The following PRDM13 variants were observed in gnomAD, a reference collection of about 807,000 sequenced individuals.
PRDM13 encodes the protein PR/SET domain 13.
Under a neutral mutation model 36.4 loss-of-function variants are expected in PRDM13, and 15 were observed. That is an observed-to-expected ratio of 0.41 (90% CI 0.28 to 0.64). The LOEUF (loss-of-function observed/expected upper bound fraction) is 0.64, where lower values mean the gene tolerates loss of function less well. Ranked by LOEUF, PRDM13 falls within the 30% of genes least tolerant of loss-of-function variation. The pLI is 0.29. For missense variants in PRDM13, 1,044 were observed against 1,013.5 expected (o/e 1.03, Z -0.41); for synonymous variants, 531 against 467.7 (o/e 1.14, Z -1.75).
rs1257406058 is a variant in PRDM13, at chr6:99,615,160, T to C, written c.*401T>C. ...AAGTTGTACTTTTCTGTGGAGGAAA[T>C]TGTGCCTTTTGAAACGACGTTTTGT... On this transcript the variant is annotated 3_prime_UTR_variant, in exon 4 of 4. Transcript: ENST00000369215. The C allele has an allele frequency of 4.6e-6, 1 of 215,870 alleles. No individual in the cohort carries two copies. Among genetic ancestry groups the C allele is most frequent in the Middle Eastern group, 1.7e-3 (1 of 604 alleles). The allele number at this position is 215,870 out of a possible 1,614,324, so 13.4% of individuals were successfully genotyped here. A position where few individuals can be genotyped will look rare whatever the true frequency, so the allele number is the denominator to read the frequency against.
intron 1 of PRDM13, 86 bp from the exon 2 acceptor site, chr6:99,608,655 T>C: frequency 1.3e-6 from 2 of 1,491,988 alleles, no homozygotes; most frequent in Non-Finnish European, 1.8e-6. Flanking sequence ...CTTTCCTGTG[T>C]TGGGTTGGGG....
intron 1 of PRDM13, 24 bp from the exon 2 acceptor site, chr6:99,608,717 G>T: frequency 2.5e-6 from 4 of 1,591,440 alleles, no homozygotes; most frequent in Non-Finnish European, 3.4e-6. Flanking sequence ...GTGCGGGGGA[G>T]AACGACCACT....
intron 2 of PRDM13, 37 bp from the exon 3 acceptor site, chr6:99,609,150 G>A: frequency 1.2e-6 from 2 of 1,609,316 alleles, no homozygotes; most frequent in Non-Finnish European, 1.7e-6. Flanking sequence ...GATTACCCAG[G>A]AAATGACATT....
At chr6:99,608,393 A>G (rs1769982306) in intron 1 of PRDM13, among the ~76,000 whole-genome samples, 1 of 152,080 alleles carries the variant, frequency 6.6e-6, no homozygotes, top group South Asian at 2.1e-4. Context: ...CCGTGGTGTT[A>G]CGGCTGCTCT....
chr6:99,613,033 G>C lies in PRDM13; in HGVS notation c.398G>C (p.Gly133Ala). 1 of 1,613,498 alleles carries C rather than the reference G, an allele frequency of 6.2e-7. No homozygotes were observed. The highest frequency in any genetic ancestry group is 8.5e-7 in the Non-Finnish European group (1 of 1,179,984). The change falls in exon 4 of 4, where the codon GGG becomes GCG. Residue 133 changes from glycine to alanine, a missense_variant and splice_region_variant. Transcript: ENST00000369215. The surrounding 1 kb of genome is among the most constrained non-coding windows in gnomAD (Gnocchi z 6.1). ...CGCTTTTCCATTCTTTCTTGCCCAG[G>C]GGAGGAGCGCTACATCTGCTGGTAC... is the stretch of plus-strand genomic sequence containing the variant. ...TTATPTHDEK[G>A]EERYICWYCW...
In PRDM13 at chr6:99,614,910, T is replaced by C. The variant is rs1770109096; in HGVS notation, c.*151T>C. Reference sequence around the variant, plus strand: ...GCGCCAGATTTGAAACAGTGAGAGGTCCCACATCTGGTGCTGAAACTCAGA... The same window carrying C: ...GCGCCAGATTTGAAACAGTGAGAGGCCCCACATCTGGTGCTGAAACTCAGA... On this transcript the variant is annotated 3_prime_UTR_variant, in exon 4 of 4. Coordinates refer to ENST00000369215, the MANE Select transcript of PRDM13 (RefSeq NM_021620.4). 2.0e-6 allele frequency: 2 copies of C among 1,009,338 alleles called. No individual in the cohort carries two copies. The highest frequency in any genetic ancestry group is 2.8e-6 in the Non-Finnish European group (2 of 713,796). 62.5% of individuals were successfully genotyped at this position (1,009,338 alleles called of 1,614,324 possible).
At chr6:99,609,139 C>A (rs767842797) in intron 2 of PRDM13, 48 bp from the exon 3 acceptor site, 40 of 1,601,708 alleles carry the variant, frequency 2.5e-5, no homozygotes, top group Non-Finnish European at 3.2e-5. Context: ...GCTTTTTGAC[C>A]GATTACCCAG....
chr6:99,610,385 G>T (rs1360833778), intron 3 of PRDM13, among the ~76,000 whole-genome samples: 1 of 152,078 alleles, frequency 6.6e-6, no homozygotes, highest in African/African-American at 2.4e-5. Context: ...TTTGACAATT[G>T]TCTGTAATTT....
intron 1 of PRDM13, among the ~76,000 whole-genome samples, chr6:99,607,464 C>T (rs997818377): frequency 6.6e-6 from 1 of 152,122 alleles, no homozygotes; most frequent in Non-Finnish European, 1.5e-5. Context: ...TTTTCCCCTG[C>T]GCTCTCGGGT....
chr6:99,613,832 G>C lies in PRDM13; in HGVS notation c.1197G>C (p.Ala399=). The C allele has an allele frequency of 2.0e-6, 3 of 1,510,932 alleles. No individual in the cohort carries two copies. The highest frequency in any genetic ancestry group is 1.8e-6 in the Non-Finnish European group (2 of 1,136,802). The allele number at this position is 1,510,932 out of a possible 1,614,324, so 93.6% of individuals were successfully genotyped here. A position where few individuals can be genotyped will look rare whatever the true frequency, so the allele number is the denominator to read the frequency against. Residue 399 remains alanine (A), a synonymous_variant, in exon 4 of 4, where the codon GCG becomes GCC. Transcript: ENST00000369215. The surrounding 1 kb of genome is among the most constrained non-coding windows in gnomAD (Gnocchi z 6.1). ...TGCTCTCCGTCCCCCCGGAAGAGGCGTCCGCCTTCAAGCACGTGGAGCGCG... is the reference window on the plus strand; with the variant it reads ...TGCTCTCCGTCCCCCCGGAAGAGGCCTCCGCCTTCAAGCACGTGGAGCGCG... ...FPLLSVPPEE[A]SAFKHVERAP...
At position 99,613,124 on chromosome 6, in the gene PRDM13, C is replaced by A. The variant is rs1770055646; in HGVS notation, c.489C>A (p.Ser163Arg). 6.2e-7 allele frequency: 1 copy of A among 1,613,370 alleles called. No individual in the cohort carries two copies. Among genetic ancestry groups the A allele is most frequent in the Non-Finnish European group, 8.5e-7 (1 of 1,180,028 alleles). The change falls in exon 4 of 4, where the codon AGC (serine) becomes AGA (arginine). Residue 163 changes from serine (S) to arginine (R), a missense_variant. Around this residue, in one of 3 missense-constraint regions of PRDM13, gnomAD observed 921 missense variants for 865.2 expected, o/e 1.06. Transcript: ENST00000369215. This position sits in a 1 kb window ranked among gnomAD's most constrained non-coding sequence, Gnocchi z 6.1. ...ACCTGCGTTTCCACTGCGTGTTCAG[C>A]GGCGGTGGAGGCGGCGCCTTCCTGC... is the stretch of plus-strand genomic sequence containing the variant. ...KAHLRFHCVFSGGGGGAFLHH... is the reference protein window; with the variant it reads ...KAHLRFHCVFRGGGGGAFLHH...
intron 3 of PRDM13, 73 bp downstream of exon 3, chr6:99,609,380 A>G (rs1770000197): frequency 6.5e-7 from 1 of 1,545,486 alleles, no homozygotes; most frequent in Non-Finnish European, 8.9e-7. Context: ...GTCCCTAGAC[A>G]TAGCTCGATC....
Position 99,614,736 on chromosome 6 carries a change from G to C in PRDM13, c.2101G>C (p.Gly701Arg). ...CGACCAGAGCGACCCCGAGGTTGGG[G>C]GCGGCGGGGAGCGCGACTTGTAACG... The part of the protein sequence containing the change: ...TDDQSDPEVG[G>R]GGERDL The change falls in exon 4 of 4, where the codon GGC becomes CGC. Residue 701 changes from glycine to arginine, a missense_variant. By Grantham distance (125) the Gly-to-Arg change is moderately radical. Coordinates refer to ENST00000369215, the MANE Select transcript of PRDM13 (RefSeq NM_021620.4). 6.3e-7 allele frequency: 1 copy of C among 1,580,332 alleles called. No individual in the cohort carries two copies. Among genetic ancestry groups the C allele is most frequent in the Middle Eastern group, 1.7e-4 (1 of 5,872 alleles).
chr6:99,612,857 T>C (rs1770051807), intron 3 of PRDM13, among the ~76,000 whole-genome samples, 176 bp from the exon 4 acceptor site: 1 of 152,208 alleles, frequency 6.6e-6, no homozygotes, highest in Non-Finnish European at 1.5e-5. Flanking sequence ...CTGATAAGGA[T>C]TGGCCATTTG....
At position 99,614,596 on chromosome 6, in the gene PRDM13, C is replaced by G. The variant is rs2044932244; in HGVS notation, c.1961C>G (p.Pro654Arg). The G allele has an allele frequency of 1.9e-6, 3 of 1,612,612 alleles. No individual in the cohort carries two copies. Among genetic ancestry groups the G allele is most frequent in the Non-Finnish European group, 2.5e-6 (3 of 1,179,828 alleles). Residue 654 changes from proline (P) to arginine (R), a missense_variant, in exon 4 of 4, where the codon CCT becomes CGT. Transcript: ENST00000369215. ...GAGCGACATGTCAAGTCCCGCCACC[C>G]TGGCCAGAGTCTGCTCGCCAAAGCG... The part of the protein sequence containing the change: ...DLERHVKSRH[P>R]GQSLLAKAGD...
chr6:99,613,264 C>A lies in PRDM13; in HGVS notation c.629C>A (p.Pro210His), dbSNP rs770602060. The change falls in exon 4 of 4, where the codon CCC (proline) becomes CAC (histidine). Residue 210 changes from proline to histidine, a missense_variant. Physicochemically the swap from Pro to His is moderately conservative, Grantham distance 77. This residue lies in a region of PRDM13 where 921 missense variants were observed against 865.2 expected (regional missense o/e 1.06). Transcript: ENST00000369215. The surrounding 1 kb of genome is among the most constrained non-coding windows in gnomAD (Gnocchi z 6.1). ...AAPSQAGTLR[P>H]HPLGPPPVQA... is the part of the protein sequence containing the mutation. ...CCTTCCCAGGCAGGAACTTTGCGAC[C>A]CCACCCCCTGGGCCCGCCACCAGTT... is the stretch of plus-strand genomic sequence containing the variant. 8.7e-6 allele frequency: 14 copies of A among 1,604,004 alleles called. No individual in the cohort carries two copies. Among genetic ancestry groups the A allele is most frequent in the Non-Finnish European group, 1.1e-5 (13 of 1,176,700 alleles).
Position 99,614,571 on chromosome 6 carries a change from G to A in PRDM13, c.1936G>A (p.Glu646Lys). The A allele has an allele frequency of 6.2e-7, 1 of 1,612,776 alleles. No homozygotes were observed. Among genetic ancestry groups the A allele is most frequent in the African/African-American group, 1.3e-5 (1 of 75,064 alleles). The change falls in exon 4 of 4, where the codon GAG becomes AAG. Residue 646 changes from glutamate (E) to lysine (K), a missense_variant. Transcript: ENST00000369215. ...GGTACTTGTGCGCCGCCGGGACCTG[G>A]AGCGACATGTCAAGTCCCGCCACCC... ...GKVLVRRRDL[E>K]RHVKSRHPGQ...
chr6:99,613,377 C>T lies in PRDM13; in HGVS notation c.742C>T (p.Pro248Ser). Residue 248 changes from proline (P) to serine (S), a missense_variant, in exon 4 of 4, where the codon CCC (proline) becomes TCC (serine). By Grantham distance (74) the Pro-to-Ser change is moderately conservative. Coordinates refer to ENST00000369215, the MANE Select transcript of PRDM13 (RefSeq NM_021620.4). The surrounding 1 kb of genome is among the most constrained non-coding windows in gnomAD (Gnocchi z 6.1). ...TSPTPGKWGQ[P>S]KKGKEQLDRA... is the part of the protein sequence containing the mutation. ...GCCGACCCCAGGCAAGTGGGGGCAG[C>T]CCAAGAAGGGCAAGGAGCAGCTGGA... 1 of 1,551,648 alleles carries T rather than the reference C, an allele frequency of 6.4e-7. No homozygotes were observed. The highest frequency in any genetic ancestry group is 8.7e-7 in the Non-Finnish European group (1 of 1,155,448).
Position 99,613,305 on chromosome 6 carries a change from CG to C in PRDM13, c.673del (p.Glu225ArgfsTer37). The C allele has an allele frequency of 6.4e-7, 1 of 1,571,438 alleles. No individual in the cohort carries two copies. On this transcript the variant is annotated frameshift_variant, in exon 4 of 4. Transcript: ENST00000369215. LOFTEE classifies it low-confidence loss of function (END_TRUNC). This position sits in a 1 kb window ranked among gnomAD's most constrained non-coding sequence, Gnocchi z 6.1. ...GCCACCAGTTCAGGCCTGCGGTGCGCGGGAGGGCATCAAGCGCGAGGCCTCT... is the reference window on the plus strand; with the variant it reads ...GCCACCAGTTCAGGCCTGCGGTGCGCGGAGGGCATCAAGCGCGAGGCCTCT... ...GPPPVQACGA[R>X]EGIKREASSA...
Sources: allele counts gnomAD v4.1 joint callset (sites outside exome capture counted in the v4.1 genomes callset), GRCh38; gene constraint gnomAD v4.1.1; regional missense constraint gnomAD v4.1.1; non-coding constraint Gnocchi (gnomAD v3.1); transcripts MANE v1.5; gene names NCBI Gene and HGNC (gene_info 2026-07-23, HGNC 2026-07-21).